Variants in TRIP11 observed in about 807,000 individuals in gnomAD.
The protein encoded by TRIP11 is thyroid hormone receptor interactor 11, also known as thyroid receptor-interacting protein 11.
TRIP11 carries 148 observed loss-of-function variants against 223.1 expected under a neutral mutation model. That is an observed-to-expected ratio of 0.66 (90% CI 0.58 to 0.76). The LOEUF is 0.76. Among genes scored for constraint, TRIP11 ranks in the 30% least tolerant of loss-of-function variants. The probability of loss-of-function intolerance (pLI) is 0.00; values close to 1 mark genes in which losing one functional copy is unlikely to be tolerated. For missense variants in TRIP11, 2,043 were observed against 2,222.0 expected (o/e 0.92, Z 1.62); for synonymous variants, 762 against 772.6 (o/e 0.99, Z 0.23).
chr14:91,994,673 C>A (rs1468745), intron 14 of TRIP11, among the ~76,000 whole-genome samples: 2 of 152,020 alleles, frequency 1.3e-5, no homozygotes, highest in Non-Finnish European at 2.9e-5. Context: ...TAATCACCTC[C>A]GACAACTAGC....
chr14:92,021,861 A>C, intron 3 of TRIP11, 30 bp from the exon 4 acceptor site: 1 of 1,607,714 alleles, frequency 6.2e-7, no homozygotes, highest in Non-Finnish European at 8.5e-7. Context: ...GTTTTAGAGA[A>C]GGTACTTTAA....
intron 10 of TRIP11, among the ~76,000 whole-genome samples, chr14:92,007,115 T>C (rs1454637156): frequency 6.6e-6 from 1 of 150,498 alleles, no homozygotes; most frequent in East Asian, 2.0e-4. Context: ...AACCTCTGCC[T>C]CCTGGGTTCA....
At position 92,021,796 on chromosome 14, in the gene TRIP11, T is replaced by C. The variant is rs2057118727; in HGVS notation, c.348A>G (p.Ala116=). 2 of 1,614,162 alleles carry C rather than the reference T, an allele frequency of 1.2e-6. No individual in the cohort carries two copies. The highest frequency in any genetic ancestry group is 2.7e-5 in the African/African-American group (2 of 75,054). Reference sequence around the variant, plus strand: ...GCAGTTTCAGCAACTGATCCTGGAGTGCAATCTGTCTGGCTTTAAGATGGC... The same window carrying C: ...GCAGTTTCAGCAACTGATCCTGGAGCGCAATCTGTCTGGCTTTAAGATGGC... ...EISHLKARQI[A]LQDQLLKLQS... is the part of the protein sequence containing the mutation. The change falls in exon 4 of 21, where the codon GCA becomes GCG. Residue 116 remains alanine (A), a synonymous_variant. Transcript: ENST00000267622.
intron 16 of TRIP11, chr14:91,977,242 A>G (rs2056476989): frequency 2.2e-6 from 1 of 454,576 alleles, no homozygotes; most frequent in Non-Finnish European, 4.4e-6. Flanking sequence ...CACTTTCTTG[A>G]TGATATCTTT....
chr14:92,015,479 C>T (rs573314098), intron 6 of TRIP11, among the ~76,000 whole-genome samples: 35 of 151,604 alleles, frequency 2.3e-4, no homozygotes, highest in African/African-American at 8.0e-4. Context: ...GCCAATATGG[C>T]GAAACCCTAT....
At chr14:92,023,806 T>G (rs1389067157) in intron 3 of TRIP11, among the ~76,000 whole-genome samples, 1 of 152,104 alleles carries the variant, frequency 6.6e-6, no homozygotes, top group Non-Finnish European at 1.5e-5. Flanking sequence ...ATGTGAAAAG[T>G]AAGGTTTAAG....
At chr14:91,979,446 T>G (rs1332669869) in intron 16 of TRIP11, among the ~76,000 whole-genome samples, 1 of 152,132 alleles carries the variant, frequency 6.6e-6, no homozygotes, top group Non-Finnish European at 1.5e-5. Flanking sequence ...AATACTTTCT[T>G]GATGAAAACT....
rs1351923080 is a variant in TRIP11, at chr14:91,976,127, A to C, written c.5323T>G (p.Ser1775Ala). The change falls in exon 17 of 21, where the codon TCA becomes GCA. Residue 1775 changes from serine to alanine, a missense_variant. Transcript: ENST00000267622. ...QKKLMSLANS[S>A]EGKVDKVLMR... ...GCATACTTGTCTACTTTTCCTTCTG[A>C]GCTGTTTGCTAAGCTCATCAATTTC... 6.2e-7 allele frequency: 1 copy of C among 1,612,476 alleles called. No homozygotes were observed. The highest frequency in any genetic ancestry group is 1.7e-5 in the Admixed American group (1 of 60,012).
chr14:91,977,187 A>G (rs1396617096), intron 16 of TRIP11: 1 of 451,874 alleles, frequency 2.2e-6, no homozygotes, highest in East Asian at 7.0e-5. Flanking sequence ...CCGTTATCAG[A>G]TATGATTTAC....
intron 2 of TRIP11, among the ~76,000 whole-genome samples, chr14:92,027,177 A>C (rs2057200480): frequency 6.6e-6 from 1 of 151,744 alleles, no homozygotes; most frequent in Non-Finnish European, 1.5e-5. Context: ...ATTTTTGTAC[A>C]TATTGTTAGG....
rs2056354801 is a variant in TRIP11, at chr14:91,967,745, T to C, written c.*1928A>G. 5.2e-6 allele frequency: 1 copy of C among 194,024 alleles called. No homozygotes were observed. Among genetic ancestry groups the C allele is most frequent in the African/African-American group, 2.3e-5 (1 of 43,274 alleles). The allele number at this position is 194,024 out of a possible 1,614,324, so 12.0% of individuals were successfully genotyped here. On this transcript the variant is annotated 3_prime_UTR_variant, in exon 21 of 21. Transcript: ENST00000267622. ...AAAGGACCATGTGTCTTTTTTAACTTAGAAACTAGTATTTCATTTCTCCAC... is the reference window on the plus strand; with the variant it reads ...AAAGGACCATGTGTCTTTTTTAACTCAGAAACTAGTATTTCATTTCTCCAC...
At chr14:92,034,854 G>C (rs1047909916) in intron 1 of TRIP11, among the ~76,000 whole-genome samples, 1 of 152,096 alleles carries the variant, frequency 6.6e-6, no homozygotes, top group South Asian at 2.1e-4. Flanking sequence ...GGCAGGTCTC[G>C]AACTCCTAGC....
Position 92,005,467 on chromosome 14 carries a change from C to T in TRIP11, c.2509G>A (p.Ala837Thr), listed in dbSNP as rs2056887187. The change falls in exon 11 of 21, where the codon GCC becomes ACC. Residue 837 changes from alanine (A) to threonine (T), a missense_variant. By Grantham distance (58) the Ala-to-Thr change is moderately conservative. Coordinates refer to ENST00000267622, the MANE Select transcript of TRIP11 (RefSeq NM_004239.4). ...CTTAAAATTTCATTTTTTCTTAAGG[C>T]CTGAGAATATTTATCCAATTCCTCC... ...LQEELDKYSQALRKNEILRQT... is the reference protein window; with the variant it reads ...LQEELDKYSQTLRKNEILRQT... The T allele has an allele frequency of 1.9e-6, 3 of 1,613,810 alleles. No individual in the cohort carries two copies. Among genetic ancestry groups the T allele is most frequent in the African/African-American group, 2.7e-5 (2 of 74,856 alleles).
intron 2 of TRIP11, chr14:92,026,463 C>T (rs1410955433): frequency 1.4e-6 from 1 of 719,212 alleles, no homozygotes; most frequent in Non-Finnish European, 2.5e-6. Flanking sequence ...CATTGTTCCT[C>T]GTCCGCCTCC....
At chr14:91,988,715 TTC>T (rs149410214) in intron 15 of TRIP11, among the ~76,000 whole-genome samples, 2,005 of 151,850 alleles carry the variant, frequency 0.013, 28 homozygotes, top group African/African-American at 0.045. Context: ...GCAACAAATG[TTC>T]TCTTTTTCAT....
rs114619894 is a variant in TRIP11 at position 92,037,002 on chromosome 14, T to G, written c.139+2545A>C. ...ACTTTAGCCTCCCAAAATGCTGAGA[T>G]TACAGGTATGAACCACACCTGGCCA... On this transcript the variant is annotated intron_variant, in intron 1 of 20. Transcript: ENST00000267622. The surrounding 1 kb of genome is among the most constrained non-coding windows in gnomAD (Gnocchi z 4.2). Among the ~76,000 whole-genome samples the G allele has an allele frequency of 6.0e-3, 910 of 152,282 alleles. 7 individuals are homozygous for G. The highest frequency in any genetic ancestry group is 0.02 in the African/African-American group (851 of 41,552).
intron 15 of TRIP11, among the ~76,000 whole-genome samples, chr14:91,991,384 G>A (rs557067589): frequency 6.6e-6 from 1 of 152,140 alleles, no homozygotes; most frequent in South Asian, 2.1e-4. Context: ...ACCAGTCTGT[G>A]GTATTCTATT....
intron 16 of TRIP11, chr14:91,977,245 A>T (rs1229765896): frequency 2.2e-6 from 1 of 454,254 alleles, no homozygotes; most frequent in African/African-American, 2.0e-5. Context: ...TTTCTTGATG[A>T]TATCTTTTGA....
Position 92,014,380 on chromosome 14 carries a change from C to T in TRIP11, c.1021G>A (p.Val341Met). The change falls in exon 7 of 21, where the codon GTG becomes ATG. Residue 341 changes from valine to methionine, a missense_variant. Physicochemically the swap from Val to Met is conservative, Grantham distance 21 (BLOSUM62 1). Transcript: ENST00000267622. ...TCTTCCATTATTTGTCTCTTTTCCA[C>T]ATTTAGCTGTTCTTGTTCTCTCCTC... Reference protein sequence around the residue: ...ILRREQEQLNVEKRQIMEECE... With the variant: ...ILRREQEQLNMEKRQIMEECE... 6.2e-7 allele frequency: 1 copy of T among 1,613,776 alleles called. No individual in the cohort carries two copies. The highest frequency in any genetic ancestry group is 8.5e-7 in the Non-Finnish European group (1 of 1,179,960).
Sources: allele counts gnomAD v4.1 joint callset (sites outside exome capture counted in the v4.1 genomes callset), GRCh38; gene constraint gnomAD v4.1.1; non-coding constraint Gnocchi (gnomAD v3.1); transcripts MANE v1.5; gene names NCBI Gene and HGNC (gene_info 2026-07-23, HGNC 2026-07-21).